Variants in KIAA1671 observed in about 807,000 individuals in gnomAD.
KIAA1671 encodes the protein KIAA1671, also known as uncharacterized protein KIAA1671.
Under a neutral mutation model 131.2 loss-of-function variants are expected in KIAA1671, and 52 were observed. That is an observed-to-expected ratio of 0.40 (90% confidence interval 0.32 to 0.50). The LOEUF is 0.50. Ranked by LOEUF, KIAA1671 falls within the 20% of genes least tolerant of loss-of-function variation. KIAA1671 has a pLI of 0.73. For missense variants in KIAA1671, 2,360 were observed against 2,364.2 expected, an observed-to-expected ratio of 1.00 and a Z score of 0.04; for synonymous variants, 1,003 against 961.6, an observed-to-expected ratio of 1.04 and a Z score of -0.80.
At chr22:25,135,828 C>T (rs1045800629) in intron 6 of KIAA1671, among the ~76,000 whole-genome samples, 1 of 152,222 alleles carries the variant, frequency 6.6e-6, no homozygotes, top group Non-Finnish European at 1.5e-5. Context: ...GACAGCATCA[C>T]CACAGTACTG....
intron 2 of KIAA1671, among the ~76,000 whole-genome samples, chr22:25,027,007 T>G (rs1019824808): frequency 6.6e-6 from 1 of 152,152 alleles, no homozygotes; most frequent in East Asian, 1.9e-4. Context: ...ACCCACTAAA[T>G]AGGGTTGTGA....
At chr22:24,985,666 T>C (rs1430989087) in intron 1 of KIAA1671, among the ~76,000 whole-genome samples, 2 of 152,040 alleles carry the variant, frequency 1.3e-5, no homozygotes, top group Non-Finnish European at 2.9e-5. Flanking sequence ...TTTAGTTCCC[T>C]CTTTGTCTCA....
At chr22:24,967,344 A>G (rs1922351470) in intron 1 of KIAA1671, among the ~76,000 whole-genome samples, 1 of 152,146 alleles carries the variant, frequency 6.6e-6, no homozygotes, top group African/African-American at 2.4e-5. Flanking sequence ...GCCCTCCTCA[A>G]TGTCATAAGC....
At chr22:25,034,475 CT>C (rs1397230811) in intron 4 of KIAA1671, among the ~76,000 whole-genome samples, 1 of 150,572 alleles carries the variant, frequency 6.6e-6, no homozygotes, top group Non-Finnish European at 1.5e-5. Flanking sequence ...TTTTTTTGCC[CT>C]TGCTTGTTCA....
At chr22:25,156,975 C>T (rs1277837847) in intron 6 of KIAA1671, among the ~76,000 whole-genome samples, 1 of 152,112 alleles carries the variant, frequency 6.6e-6, no homozygotes, top group Non-Finnish European at 1.5e-5. Flanking sequence ...CAAGTTGAGC[C>T]CTAGCCTGAA....
intron 6 of KIAA1671, among the ~76,000 whole-genome samples, chr22:25,141,734 C>T (rs1326326018): frequency 6.6e-6 from 1 of 152,174 alleles, no homozygotes; most frequent in African/African-American, 2.4e-5. Flanking sequence ...ATGTCCCCAC[C>T]TTTTATTTAA....
intron 6 of KIAA1671, among the ~76,000 whole-genome samples, chr22:25,093,841 T>C: frequency 3.1e-5 from 2 of 64,392 alleles, no homozygotes; most frequent in African/African-American, 4.9e-5. Flanking sequence ...TCTGTCTGTC[T>C]CTCTCTCTCT....
chr22:25,029,425 G>A lies in KIAA1671; in HGVS notation c.1426G>A (p.Val476Ile). 6.4e-7 allele frequency: 1 copy of A among 1,551,456 alleles called. No individual in the cohort carries two copies. The highest frequency in any genetic ancestry group is 2.0e-5 in the Admixed American group (1 of 51,004). The change falls in exon 3 of 13, where the codon GTT becomes ATT. Residue 476 changes from valine (V) to isoleucine (I), a missense_variant. Val to Ile is a conservative substitution (Grantham distance 29). Around this residue, in one of 3 missense-constraint regions of KIAA1671, gnomAD observed 1,185 missense variants for 1,126.2 expected, o/e 1.05. Transcript: ENST00000358431. ...PSAAPEPEKG[V>I]VSVQERIRGW... is the part of the protein sequence containing the mutation. ...GGCGGCACCAGAGCCGGAGAAAGGG[G>A]TTGTGAGCGTTCAGGAACGGATCAG... is the stretch of plus-strand genomic sequence containing the variant.
chr22:24,997,042 C>T (rs1459259976), intron 1 of KIAA1671, among the ~76,000 whole-genome samples: 1 of 152,212 alleles, frequency 6.6e-6, no homozygotes, highest in Non-Finnish European at 1.5e-5. Flanking sequence ...CCCATTCTTA[C>T]CCTCCATGCA....
chr22:25,081,094 G>A (rs1242351559), intron 6 of KIAA1671, among the ~76,000 whole-genome samples: 7 of 152,196 alleles, frequency 4.6e-5, no homozygotes, highest in African/African-American at 7.2e-5. Context: ...ATGCAAGGCA[G>A]AAGCTTGGGA....
At chr22:25,136,544 C>A (rs1932683575) in intron 6 of KIAA1671, among the ~76,000 whole-genome samples, 1 of 152,202 alleles carries the variant, frequency 6.6e-6, no homozygotes, top group African/African-American at 2.4e-5. Flanking sequence ...CTGGGCAGTA[C>A]CCTGCTGGGA....
chr22:25,162,204 T>A (rs985647866), intron 6 of KIAA1671, among the ~76,000 whole-genome samples: 4 of 152,226 alleles, frequency 2.6e-5, no homozygotes, highest in African/African-American at 9.6e-5. Context: ...GCCATTATTG[T>A]TACTCTTATT....
At chr22:25,131,753 T>C (rs2145945575) in intron 6 of KIAA1671, among the ~76,000 whole-genome samples, 1 of 152,354 alleles carries the variant, frequency 6.6e-6, no homozygotes, top group East Asian at 1.9e-4. Context: ...TTCTTCTCAC[T>C]GAAGCATCTC....
At chr22:24,999,878 C>A (rs950612100) in intron 1 of KIAA1671, among the ~76,000 whole-genome samples, 3 of 150,984 alleles carry the variant, frequency 2.0e-5, no homozygotes, top group Admixed American at 6.6e-5. Context: ...TATGGTATTT[C>A]ATTTATGTGC....
intron 6 of KIAA1671, among the ~76,000 whole-genome samples, chr22:25,068,483 C>T (rs552934705): frequency 6.6e-6 from 1 of 152,022 alleles, no homozygotes; most frequent in Non-Finnish European, 1.5e-5. Context: ...GTCACCCAGG[C>T]TGGAGTGCAG....
At chr22:25,023,759 A>G (rs1253640781) in intron 1 of KIAA1671, 3 of 152,170 alleles carry the variant, frequency 2.0e-5, no homozygotes, top group African/African-American at 7.2e-5. Context: ...AGCCTGGCCA[A>G]CATAGTGAAA....
intron 10 of KIAA1671, among the ~76,000 whole-genome samples, chr22:25,183,609 G>C (rs1027640349): frequency 6.6e-6 from 1 of 151,370 alleles, no homozygotes; most frequent in Non-Finnish European, 1.5e-5. Flanking sequence ...TGCAAGCTCC[G>C]CCTCCCGGGT....
intron 1 of KIAA1671, among the ~76,000 whole-genome samples, chr22:25,018,313 G>A (rs945314578): frequency 6.6e-5 from 10 of 151,850 alleles, no homozygotes; most frequent in Non-Finnish European, 1.0e-4. Context: ...TGGGCCCCCC[G>A]ACGTGGTAAT....
At chr22:24,965,952 G>A (rs1455109234) in intron 1 of KIAA1671, among the ~76,000 whole-genome samples, 1 of 152,162 alleles carries the variant, frequency 6.6e-6, no homozygotes, top group Non-Finnish European at 1.5e-5. Flanking sequence ...GATTTTGTGT[G>A]TTTATAGGAT....
Sources: gnomAD v4.1 joint callset for allele counts (sites outside exome capture counted in the v4.1 genomes callset) on GRCh38, gnomAD v4.1.1 for gene constraint, gnomAD v4.1.1 regional missense constraint, MANE v1.5 for transcripts, NCBI Gene and HGNC (gene_info 2026-07-23, HGNC 2026-07-21) for gene names.